The following GIGYF2 variants were observed in gnomAD, a reference collection of about 807,000 sequenced individuals.
GIGYF2 encodes the protein GRB10 interacting GYF protein 2.
Under a neutral mutation model 208.1 loss-of-function variants are expected in GIGYF2, and 25 were observed. The ratio of observed to expected loss-of-function variants is 0.12; its 90% CI spans 0.09 to 0.17. The LOEUF is 0.17. GIGYF2 is among the 10% of genes least tolerant of loss of function. GIGYF2 has a pLI of 1.00. For synonymous variants in GIGYF2, 534 were observed against 543.8 expected (o/e 0.98, Z 0.25); for missense variants, 1,302 against 1,579.4 (o/e 0.82, Z 2.98).
At chr2:232,772,532 T>C (rs538613725) in intron 8 of GIGYF2, among the ~76,000 whole-genome samples, 140 of 152,268 alleles carry the variant, frequency 9.2e-4, no homozygotes, top group African/African-American at 3.0e-3. Context: ...CTGCAAACAG[T>C]TTTCATCAGT....
intron 4 of GIGYF2, 92 bp from the exon 5 acceptor site, chr2:232,748,895 T>C: frequency 1.3e-6 from 1 of 768,400 alleles, no homozygotes; most frequent in Admixed American, 1.7e-5. Context: ...CAACAATAAA[T>C]AGAAGAGTAT....
intron 2 of GIGYF2, among the ~76,000 whole-genome samples, chr2:232,733,014 TG>T (rs1285381001): frequency 6.6e-6 from 1 of 152,118 alleles, no homozygotes; most frequent in Non-Finnish European, 1.5e-5. Flanking sequence ...CCCAGCACTT[TG>T]GGAGACCTAG....
chr2:232,821,301 C>T (rs1701074379), intron 21 of GIGYF2, among the ~76,000 whole-genome samples: 1 of 152,144 alleles, frequency 6.6e-6, no homozygotes, highest in Non-Finnish European at 1.5e-5. Flanking sequence ...CTCCCAGGTT[C>T]AGGCAGTTCT....
intron 22 of GIGYF2, among the ~76,000 whole-genome samples, chr2:232,839,319 A>G (rs891240338): frequency 1.3e-5 from 2 of 152,224 alleles, no homozygotes; most frequent in Non-Finnish European, 2.9e-5. Context: ...GCTCATGACT[A>G]GAAGCTACAG....
At chr2:232,773,269 A>C (rs537297749) in intron 8 of GIGYF2, among the ~76,000 whole-genome samples, 3 of 152,324 alleles carry the variant, frequency 2.0e-5, no homozygotes, top group African/African-American at 4.8e-5. Flanking sequence ...GGAAACAACA[A>C]AATCTTCATA....
Position 232,809,234 on chromosome 2 carries a change from C to T in GIGYF2, c.1807-486C>T, listed in dbSNP as rs1031248019. Among the ~76,000 whole-genome samples, 4 of 152,314 alleles carry T rather than the reference C, an allele frequency of 2.6e-5. No homozygotes were observed. In the East Asian group the frequency reaches 5.8e-4, roughly 22 times the overall value. Reference sequence around the variant, plus strand: ...CTGGGATTACAGGTGTGAGCCACCACGCCCGGCCTCTTTTTATATTCTTAA... The same window carrying T: ...CTGGGATTACAGGTGTGAGCCACCATGCCCGGCCTCTTTTTATATTCTTAA... On this transcript the variant is annotated intron_variant, in intron 15 of 28. Transcript: ENST00000373563.
At chr2:232,774,695 C>G (rs1209921830) in intron 8 of GIGYF2, among the ~76,000 whole-genome samples, 1 of 152,164 alleles carries the variant, frequency 6.6e-6, no homozygotes, top group East Asian at 1.9e-4. Context: ...TGAAAATGCC[C>G]CTCATGCTCC....
intron 2 of GIGYF2, among the ~76,000 whole-genome samples, chr2:232,708,334 A>G (rs1318884733): frequency 6.6e-6 from 1 of 152,162 alleles, no homozygotes; most frequent in African/African-American, 2.4e-5. Flanking sequence ...AGGGCAGACT[A>G]TGTTGTTTAA....
At chr2:232,767,866 C>A in intron 8 of GIGYF2, 1 of 305,966 alleles carries the variant, frequency 3.3e-6, no homozygotes, top group Admixed American at 4.8e-5. Flanking sequence ...TCTTAGAGTT[C>A]AGTTGTGTTA....
intron 14 of GIGYF2, among the ~76,000 whole-genome samples, chr2:232,797,974 G>A (rs1007631324): frequency 7.8e-6 from 1 of 128,106 alleles, no homozygotes; most frequent in Non-Finnish European, 1.6e-5. Context: ...GAGTGAGACT[G>A]TGCCTCCAAA....
intron 18 of GIGYF2, among the ~76,000 whole-genome samples, chr2:232,813,895 T>C (rs900811071): frequency 6.8e-6 from 1 of 147,060 alleles, no homozygotes; most frequent in Non-Finnish European, 1.5e-5. Flanking sequence ...TTTTTTTTTT[T>C]TTTTTTTTTT....
At chr2:232,791,211 C>G in intron 11 of GIGYF2, 41 bp downstream of exon 11, 1 of 1,613,776 alleles carries the variant, frequency 6.2e-7, no homozygotes, top group Non-Finnish European at 8.5e-7. Context: ...TTTCCTCCAT[C>G]AAACCAAAAC....
In GIGYF2 at chr2:232,857,044, A is replaced by T. The variant is rs1342028835; in HGVS notation, c.*184A>T. ...TTCTTTAATCCATTTTTGTTGGTGA[A>T]CATCTCAGACTATAGATAAGTGGAC... On this transcript the variant is annotated 3_prime_UTR_variant, in exon 29 of 29. Coordinates refer to ENST00000373563, the MANE Select transcript of GIGYF2 (RefSeq NM_001103146.3). 1 of 648,456 alleles carries T rather than the reference A, an allele frequency of 1.5e-6. No homozygotes were observed. The highest frequency in any genetic ancestry group is 2.2e-5 in the Admixed American group (1 of 45,562). The allele number at this position is 648,456 out of a possible 1,614,324, so 40.2% of individuals were successfully genotyped here.
chr2:232,779,308 A>G (rs1481207455), intron 8 of GIGYF2, among the ~76,000 whole-genome samples: 1 of 152,202 alleles, frequency 6.6e-6, no homozygotes, highest in African/African-American at 2.4e-5. Flanking sequence ...TAAACAAGGT[A>G]CCAAGACCTG....
In GIGYF2 at chr2:232,713,434, A is replaced by G. The variant is rs980725080; in HGVS notation, c.-44+9945A>G. Among the ~76,000 whole-genome samples, 15 of 152,192 alleles carry G rather than the reference A, an allele frequency of 9.9e-5. No homozygotes were observed. In the East Asian group the frequency reaches 2.9e-3, roughly 29 times the overall value. On this transcript the variant is annotated intron_variant, in intron 2 of 28. Transcript: ENST00000373563. ...ATAATAGGCTTTAGTTTTTACAACA[A>G]TTGTAGATTTACAGAAAATTGAGAA...
intron 22 of GIGYF2, among the ~76,000 whole-genome samples, chr2:232,837,262 AG>A (rs556371046): frequency 6.6e-6 from 1 of 152,152 alleles, no homozygotes; most frequent in Non-Finnish European, 1.5e-5. Flanking sequence ...CTGATGGCTG[AG>A]GGGAGAAGGG....
Position 232,749,002 on chromosome 2 carries a change from C to A in GIGYF2, c.187C>A (p.Leu63Met). ...GGTCCTACAGATACCTTCAGACCTT[C>A]TGGATAAAGAATTTCTGCCTATCCT... ...LKDNKIPSDLLDKEFLPILQE... is the reference protein window; with the variant it reads ...LKDNKIPSDLMDKEFLPILQE... Residue 63 changes from leucine to methionine, a missense_variant, in exon 5 of 29, where the codon CTG (leucine) becomes ATG (methionine). Physicochemically the swap from Leu to Met is conservative, Grantham distance 15. Coordinates refer to ENST00000373563, the MANE Select transcript of GIGYF2 (RefSeq NM_001103146.3). The A allele has an allele frequency of 6.3e-7, 1 of 1,578,910 alleles. No individual in the cohort carries two copies. Among genetic ancestry groups the A allele is most frequent in the Non-Finnish European group, 8.7e-7 (1 of 1,147,884 alleles).
intron 2 of GIGYF2, among the ~76,000 whole-genome samples, chr2:232,731,423 TC>T (rs1697490597): frequency 6.6e-6 from 1 of 152,208 alleles, no homozygotes; most frequent in Non-Finnish European, 1.5e-5. Context: ...TGCTCTAAAA[TC>T]CTCTACGGGT....
chr2:232,774,099 T>C (rs1046591473), intron 8 of GIGYF2, among the ~76,000 whole-genome samples: 5 of 149,300 alleles, frequency 3.3e-5, no homozygotes, highest in Non-Finnish European at 7.4e-5. Flanking sequence ...CTGGCCAACA[T>C]AGCGAGACCC....
Sources: gnomAD v4.1 joint callset for allele counts (sites outside exome capture counted in the v4.1 genomes callset) on GRCh38, gnomAD v4.1.1 for gene constraint, MANE v1.5 for transcripts, NCBI Gene and HGNC (gene_info 2026-07-23, HGNC 2026-07-21) for gene names.